The following BRD4 variants were observed in gnomAD, a reference collection of about 807,000 sequenced individuals.
The protein encoded by BRD4 is bromodomain-containing protein 4.
A neutral mutation model predicts 142.1 loss-of-function variants in BRD4; 16 were observed. The observed-to-expected ratio is 0.11, with a 90% CI of 0.08 to 0.17. The LOEUF is 0.17. Ranked by LOEUF, BRD4 falls within the 10% of genes least tolerant of loss-of-function variation. The pLI is 1.00. For synonymous variants in BRD4, 833 were observed against 707.5 expected (o/e 1.18, Z -2.82); for missense variants, 1,424 against 1,810.9 (o/e 0.79, Z 3.88).
chr19:15,262,389 T>C (rs568980907), intron 7 of BRD4, among the ~76,000 whole-genome samples: 11 of 152,038 alleles, frequency 7.2e-5, no homozygotes, highest in Admixed American at 3.3e-4. Context: ...TTTATGATCA[T>C]TTATCTACAG....
chr19:15,239,634 G>C lies in BRD4; in HGVS notation c.3445+25C>G. On this transcript the variant is annotated intron_variant, in intron 16 of 19. Coordinates refer to ENST00000679869, the MANE Select transcript of BRD4 (RefSeq NM_001379291.1). The surrounding 1 kb of genome is among the most constrained non-coding windows in gnomAD (Gnocchi z 7.4). ...ACGGGCCTCGGGGGGCCTGAGCCCT[G>C]GCTGTGGGCAGGGAGAGCACTCACG... 1 of 1,563,658 alleles carries C rather than the reference G, an allele frequency of 6.4e-7. No individual in the cohort carries two copies.
intron 2 of BRD4, among the ~76,000 whole-genome samples, chr19:15,269,836 C>T (rs1024999233): frequency 3.3e-5 from 5 of 152,232 alleles, no homozygotes; most frequent in South Asian, 4.1e-4. Context: ...AATCAAACCA[C>T]GTTATTCTCA....
intron 11 of BRD4, chr19:15,246,957 T>C (rs939112148): frequency 5.6e-6 from 1 of 177,018 alleles, no homozygotes; most frequent in Admixed American, 6.3e-5. Context: ...GAGTTACCAG[T>C]AAAAGACAAG....
intron 1 of BRD4, among the ~76,000 whole-genome samples, chr19:15,292,421 C>T (rs536130615): frequency 6.6e-5 from 10 of 152,248 alleles, no homozygotes; most frequent in Middle Eastern, 3.4e-3. Context: ...CAATGGACTA[C>T]GGGGAAAACT....
chr19:15,280,772 T>A (rs1193299750), intron 1 of BRD4, among the ~76,000 whole-genome samples: 1 of 152,172 alleles, frequency 6.6e-6, no homozygotes, highest in Admixed American at 6.5e-5. Flanking sequence ...TCTCCACCGC[T>A]CCAAGGCTCT....
chr19:15,252,571 C>T (rs1241893195), intron 11 of BRD4, among the ~76,000 whole-genome samples: 1 of 152,216 alleles, frequency 6.6e-6, no homozygotes, highest in Non-Finnish European at 1.5e-5. Context: ...GCCCTAGCTT[C>T]GGGTGGCAAA....
At chr19:15,318,062 G>A (rs1427082882) in intron 1 of BRD4, among the ~76,000 whole-genome samples, 1 of 152,180 alleles carries the variant, frequency 6.6e-6, no homozygotes, top group Admixed American at 6.5e-5. Context: ...CCTACACACA[G>A]ATAGCACCAC....
At chr19:15,309,724 G>A (rs550946958) in intron 1 of BRD4, among the ~76,000 whole-genome samples, 4 of 152,270 alleles carry the variant, frequency 2.6e-5, no homozygotes, top group South Asian at 4.1e-4. Flanking sequence ...TCTGAAATTG[G>A]GGGTAGGGGA....
chr19:15,292,431 T>C (rs2047788768), intron 1 of BRD4, among the ~76,000 whole-genome samples: 1 of 152,188 alleles, frequency 6.6e-6, no homozygotes, highest in Non-Finnish European at 1.5e-5. Context: ...CGGGGAAAAC[T>C]ACCTGCCTAA....
At chr19:15,277,509 C>T (rs1313571924) in intron 1 of BRD4, among the ~76,000 whole-genome samples, 1 of 151,556 alleles carries the variant, frequency 6.6e-6, no homozygotes, top group Non-Finnish European at 1.5e-5. Flanking sequence ...TGTCCAGGCA[C>T]AGTGGCTCAC....
chr19:15,251,698 A>G (rs2047349113), intron 11 of BRD4, among the ~76,000 whole-genome samples: 1 of 152,176 alleles, frequency 6.6e-6, no homozygotes. Flanking sequence ...TACTGGTGCC[A>G]GGGTGTGGGT....
chr19:15,249,846 T>A (rs2047325534), intron 11 of BRD4, among the ~76,000 whole-genome samples: 2 of 151,838 alleles, frequency 1.3e-5, no homozygotes, highest in South Asian at 4.2e-4. Flanking sequence ...GCAAACAGCC[T>A]CATCTCTGCA....
rs756564257 is a variant in BRD4, at chr19:15,239,230, C to A, written c.3611G>T (p.Ser1204Ile). The A allele has an allele frequency of 6.2e-7, 1 of 1,613,124 alleles. No homozygotes were observed. Among genetic ancestry groups the A allele is most frequent in the Non-Finnish European group, 8.5e-7 (1 of 1,179,960 alleles). ...LKIKNMGSWASLVQKHPTTPS... is the reference protein window; with the variant it reads ...LKIKNMGSWAILVQKHPTTPS... ...GGTGGTCGGATGCTTCTGCACTAGG[C>A]TGGCCCAGGAGCCCATGTTCTTGAT... The change falls in exon 18 of 20, where the codon AGC becomes ATC. Residue 1204 changes from serine to isoleucine, a missense_variant. By Grantham distance (142) the Ser-to-Ile change is moderately radical. Around this residue, in one of 16 missense-constraint regions of BRD4, gnomAD observed 49 missense variants for 97.3 expected, o/e 0.50. Coordinates refer to ENST00000679869, the MANE Select transcript of BRD4 (RefSeq NM_001379291.1). The surrounding 1 kb of genome is among the most constrained non-coding windows in gnomAD (Gnocchi z 7.4).
chr19:15,326,125 C>A (rs2048106324), intron 1 of BRD4, among the ~76,000 whole-genome samples: 1 of 121,130 alleles, frequency 8.3e-6, no homozygotes, highest in African/African-American at 3.1e-5. Flanking sequence ...TAAAACGAAA[C>A]ATTTTGGAAA....
chr19:15,296,286 G>A (rs1185689256), intron 1 of BRD4, among the ~76,000 whole-genome samples: 21 of 152,076 alleles, frequency 1.4e-4, no homozygotes, highest in Admixed American at 1.4e-3. Context: ...GAAGACTCCT[G>A]GATAAGAAGC....
At chr19:15,331,529 G>C (rs865869265) in intron 1 of BRD4, among the ~76,000 whole-genome samples, 36 of 152,318 alleles carry the variant, frequency 2.4e-4, no homozygotes, top group African/African-American at 8.4e-4. Context: ...GAGTGGGTGC[G>C]TCAAGCGGGC....
In BRD4 at chr19:15,264,718, T is replaced by C. The variant is rs200397485; in HGVS notation, c.898A>G (p.Ile300Val). 1.9e-5 allele frequency: 30 copies of C among 1,612,694 alleles called. No individual in the cohort carries two copies. In the Admixed American group the frequency reaches 3.2e-4, roughly 17 times the overall value. ...RKADTTTPTT[I>V]DPIHEPPSLP... ...GAGGGTGGCTCGTGAATGGGGTCAA[T>C]GGTGGTGGGGGTGGTGGTGTCTGCT... is the stretch of plus-strand genomic sequence containing the variant. Residue 300 changes from isoleucine to valine, a missense_variant, in exon 6 of 20, where the codon ATT becomes GTT. By Grantham distance (29) the Ile-to-Val change is conservative (BLOSUM62 3). Transcript: ENST00000679869.
intron 1 of BRD4, among the ~76,000 whole-genome samples, chr19:15,298,566 A>G (rs938350209): frequency 1.6e-5 from 2 of 128,194 alleles, no homozygotes; most frequent in Non-Finnish European, 3.2e-5. Flanking sequence ...GGTTGCAGTG[A>G]GCAGAGATTG....
chr19:15,271,739 A>C (rs568718649), intron 2 of BRD4, among the ~76,000 whole-genome samples: 1 of 152,222 alleles, frequency 6.6e-6, no homozygotes, highest in South Asian at 2.1e-4. Context: ...TTCTGCCTCC[A>C]TACCTTTCCT....
Sources: allele counts gnomAD v4.1 joint callset (sites outside exome capture counted in the v4.1 genomes callset), GRCh38; gene constraint gnomAD v4.1.1; regional missense constraint gnomAD v4.1.1; non-coding constraint Gnocchi (gnomAD v3.1); transcripts MANE v1.5; gene names NCBI Gene and HGNC (gene_info 2026-07-23, HGNC 2026-07-21).